The following CNTN6 variants were observed in gnomAD, a reference collection of about 807,000 sequenced individuals.
The protein encoded by CNTN6 is contactin 6, also known as contactin-6.
In CNTN6, 137 loss-of-function variants were observed where a neutral mutation model predicts 122.8. The ratio of observed to expected loss-of-function variants is 1.12; its 90% CI spans 0.97 to 1.29. CNTN6 has a LOEUF of 1.29. CNTN6 is among the 50% of genes most tolerant of loss of function. The probability of loss-of-function intolerance (pLI) is 0.00; values close to 1 mark genes in which losing one functional copy is unlikely to be tolerated. For synonymous variants in CNTN6, 570 were observed against 426.0 expected (o/e 1.34, Z -4.16); for missense variants, 1,634 against 1,223.4 (o/e 1.34, Z -5.01).
At chr3:1,129,959 A>G (rs1051425189) in intron 1 of CNTN6, among the ~76,000 whole-genome samples, 7 of 152,100 alleles carry the variant, frequency 4.6e-5, no homozygotes, top group African/African-American at 1.7e-4. Flanking sequence ...ACATACATAT[A>G]CAGGTAAATC....
rs138202702 is a variant in CNTN6, at chr3:1,124,878, C to G, written c.-82-23049C>G. Among the ~76,000 whole-genome samples the G allele has an allele frequency of 5.6e-3, 856 of 151,984 alleles. 8 individuals carry two copies. The highest frequency in any genetic ancestry group is 0.019 in the African/African-American group (808 of 41,492). ...GCATTGCCCATGCCATAGCACTTAT[C>G]AGAGTTTATTAAAATCACGTGTTAA... is the stretch of plus-strand genomic sequence containing the variant. On this transcript the variant is annotated intron_variant, in intron 1 of 22. Transcript: ENST00000446702.
intron 1 of CNTN6, among the ~76,000 whole-genome samples, chr3:1,132,642 G>C (rs1344434335): frequency 8.2e-6 from 1 of 121,930 alleles, no homozygotes; most frequent in Non-Finnish European, 1.8e-5. Context: ...GGATAACAGA[G>C]GGAAACTCTG....
chr3:1,177,136 G>A lies in CNTN6; in HGVS notation c.55+29073G>A, dbSNP rs557442219. ...TCCATGGCCTGGGATCTTCAAGAAC[G>A]TCAACGTGATAAAAGTAAAAAATGT... On this transcript the variant is annotated intron_variant, in intron 2 of 22. Coordinates refer to ENST00000446702, the MANE Select transcript of CNTN6 (RefSeq NM_001289080.2). Among the ~76,000 whole-genome samples, 10 of 152,256 alleles carry A rather than the reference G, an allele frequency of 6.6e-5. No homozygotes were observed. The South Asian group carries it at 1.0e-3, about 16-fold the overall frequency.
chr3:1,253,297 C>G (rs898565223), intron 4 of CNTN6, among the ~76,000 whole-genome samples: 2 of 152,090 alleles, frequency 1.3e-5, no homozygotes, highest in African/African-American at 4.8e-5. Context: ...ATTATTCATT[C>G]TTTTATCTCA....
At chr3:1,303,067 G>C (rs1205142234) in intron 7 of CNTN6, among the ~76,000 whole-genome samples, 1 of 151,968 alleles carries the variant, frequency 6.6e-6, no homozygotes, top group Non-Finnish European at 1.5e-5. Flanking sequence ...CCTCATTTGT[G>C]TTATAACTTA....
At chr3:1,389,550 A>C (rs541429710) in intron 20 of CNTN6, among the ~76,000 whole-genome samples, 8 of 152,208 alleles carry the variant, frequency 5.3e-5, no homozygotes, top group African/African-American at 1.9e-4. Flanking sequence ...ACAGGATCAA[A>C]TTCACACATA....
intron 11 of CNTN6, among the ~76,000 whole-genome samples, chr3:1,337,895 C>G (rs1048180260): frequency 1.3e-5 from 2 of 152,092 alleles, no homozygotes; most frequent in African/African-American, 2.4e-5. Context: ...CTCTTGCCAT[C>G]CAATTCCCCT....
intron 2 of CNTN6, among the ~76,000 whole-genome samples, chr3:1,215,013 T>A (rs2094110624): frequency 6.6e-6 from 1 of 152,062 alleles, no homozygotes; most frequent in African/African-American, 2.4e-5. Flanking sequence ...TCTGTCTTGA[T>A]CTCTCAAAGT....
chr3:1,386,950 C>CTAT (rs1560000317), intron 20 of CNTN6, among the ~76,000 whole-genome samples: 7 of 152,134 alleles, frequency 4.6e-5, no homozygotes, highest in South Asian at 2.1e-4. Context: ...TAGTTAGGAA[C>CTAT]CATCTCAGAG....
intron 7 of CNTN6, among the ~76,000 whole-genome samples, chr3:1,319,237 CTTTTG>C (rs746450015): frequency 6.6e-6 from 1 of 151,604 alleles, no homozygotes; most frequent in Non-Finnish European, 1.5e-5. Flanking sequence ...GCCGCGATTA[CTTTTG>C]CACCAACCTA....
At chr3:1,329,168 A>C (rs942599111) in intron 10 of CNTN6, among the ~76,000 whole-genome samples, 18 of 151,154 alleles carry the variant, frequency 1.2e-4, no homozygotes, top group Admixed American at 4.0e-4. Flanking sequence ...TACATATATA[A>C]TAAATCAGAA....
At chr3:1,151,653 C>T (rs1245170828) in intron 2 of CNTN6, among the ~76,000 whole-genome samples, 1 of 152,106 alleles carries the variant, frequency 6.6e-6, no homozygotes, top group African/African-American at 2.4e-5. Flanking sequence ...TGATGTTGAC[C>T]TTCAACAATA....
chr3:1,285,598 A>T (rs763972311), intron 5 of CNTN6, among the ~76,000 whole-genome samples: 1 of 152,156 alleles, frequency 6.6e-6, no homozygotes, highest in Non-Finnish European at 1.5e-5. Flanking sequence ...CGCATTTAAC[A>T]TTTTCCGGGA....
In CNTN6 at chr3:1,373,613, G is replaced by T. The variant is rs765761562; in HGVS notation, c.1796G>T (p.Gly599Val). 6.2e-7 allele frequency: 1 copy of T among 1,610,964 alleles called. No homozygotes were observed. Among genetic ancestry groups the T allele is most frequent in the Non-Finnish European group, 8.5e-7 (1 of 1,178,600 alleles). ...VADIIVRGPP[G>V]PPEDVQVEDI... Reference sequence around the variant, plus strand: ...AAACATTTTTTTCAAGGTCCACCAGGTCCTCCTGAGGATGTGCAAGTGGAA... The same window carrying T: ...AAACATTTTTTTCAAGGTCCACCAGTTCCTCCTGAGGATGTGCAAGTGGAA... The change falls in exon 15 of 23, where the codon GGT (glycine) becomes GTT (valine). Residue 599 changes from glycine to valine, a missense_variant. Physicochemically the swap from Gly to Val is moderately radical, Grantham distance 109 (BLOSUM62 -3). Coordinates refer to ENST00000446702, the MANE Select transcript of CNTN6 (RefSeq NM_001289080.2).
chr3:1,391,427 G>A (rs1694127030), intron 20 of CNTN6, among the ~76,000 whole-genome samples: 1 of 100,056 alleles, frequency 1.0e-5, no homozygotes, highest in Non-Finnish European at 1.9e-5. Context: ...AGCTATCTAT[G>A]ACAAACCCAC....
At chr3:1,321,182 A>G (rs1700792675) in intron 7 of CNTN6, among the ~76,000 whole-genome samples, 1 of 151,724 alleles carries the variant, frequency 6.6e-6, no homozygotes, top group African/African-American at 2.4e-5. Context: ...TTTGCCTTAG[A>G]AACTATAAAT....
chr3:1,123,483 C>T (rs1452147895), intron 1 of CNTN6, among the ~76,000 whole-genome samples: 1 of 149,506 alleles, frequency 6.7e-6, no homozygotes, highest in African/African-American at 2.4e-5. Flanking sequence ...TAATTTTTGT[C>T]CTTATTTTTT....
intron 7 of CNTN6, among the ~76,000 whole-genome samples, chr3:1,305,744 A>T (rs1313168159): frequency 6.6e-6 from 1 of 152,160 alleles, no homozygotes; most frequent in Non-Finnish European, 1.5e-5. Context: ...GCAGCACTGA[A>T]CGTTCCTGTG....
At chr3:1,184,584 C>T (rs918537418) in intron 2 of CNTN6, among the ~76,000 whole-genome samples, 1 of 152,012 alleles carries the variant, frequency 6.6e-6, no homozygotes, top group Non-Finnish European at 1.5e-5. Flanking sequence ...TTGAAGGACA[C>T]AAAAATTTAT....
Sources: allele counts gnomAD v4.1 joint callset (sites outside exome capture counted in the v4.1 genomes callset), GRCh38; gene constraint gnomAD v4.1.1; transcripts MANE v1.5; gene names NCBI Gene and HGNC (gene_info 2026-07-23, HGNC 2026-07-21).